The following ZBTB20 variants were observed in gnomAD, a reference collection of about 807,000 sequenced individuals.
ZBTB20 encodes the protein zinc finger and BTB domain containing 20, also known as zinc finger and BTB domain-containing protein 20.
Under a neutral mutation model 56.9 loss-of-function variants are expected in ZBTB20, and 9 were observed. The observed-to-expected ratio is 0.16, with a 90% CI of 0.10 to 0.28. The LOEUF is 0.28. Among genes scored for constraint, ZBTB20 ranks in the 10% least tolerant of loss-of-function variants. The pLI, the probability that ZBTB20 is intolerant of heterozygous loss-of-function variation, is 1.00. For synonymous variants in ZBTB20, 417 were observed against 420.7 expected (o/e 0.99, Z 0.11); for missense variants, 655 against 1,003.0 (o/e 0.65, Z 4.69).
At chr3:114,418,457 C>T (rs559245442) in intron 7 of ZBTB20, among the ~76,000 whole-genome samples, 1 of 152,008 alleles carries the variant, frequency 6.6e-6, no homozygotes, top group East Asian at 1.9e-4. Flanking sequence ...TGATATCTTA[C>T]ACACAATAGG....
intron 7 of ZBTB20, among the ~76,000 whole-genome samples, chr3:114,397,554 A>G (rs1476186686): frequency 6.7e-6 from 1 of 149,314 alleles, no homozygotes; most frequent in East Asian, 2.0e-4. Context: ...TAATAGTACT[A>G]GATTAATCAT....
At chr3:114,656,060 A>T (rs2060391935) in intron 6 of ZBTB20, among the ~76,000 whole-genome samples, 1 of 152,192 alleles carries the variant, frequency 6.6e-6, no homozygotes, top group Non-Finnish European at 1.5e-5. Context: ...TTATTGCAAG[A>T]TCACATTGCT....
intron 4 of ZBTB20, among the ~76,000 whole-genome samples, chr3:114,829,640 A>C (rs1213494095): frequency 1.3e-5 from 2 of 151,888 alleles, no homozygotes; most frequent in Non-Finnish European, 2.9e-5. Context: ...TTTATGAATC[A>C]GCTCACTAAA....
At chr3:115,075,024 G>A (rs1048837205) in intron 1 of ZBTB20, among the ~76,000 whole-genome samples, 5 of 151,918 alleles carry the variant, frequency 3.3e-5, no homozygotes, top group Admixed American at 1.3e-4. Context: ...TTGTGTTTAC[G>A]GTTATATAAC....
At chr3:114,766,199 G>GC (rs2068772965) in intron 5 of ZBTB20, among the ~76,000 whole-genome samples, 1 of 151,994 alleles carries the variant, frequency 6.6e-6, no homozygotes, top group African/African-American at 2.4e-5. Flanking sequence ...ACTGAACAAA[G>GC]CAAGAGTAAG....
intron 7 of ZBTB20, among the ~76,000 whole-genome samples, chr3:114,399,674 T>TAAC (rs199677375): frequency 0.03 from 4,637 of 152,254 alleles, 118 homozygotes; most frequent in Middle Eastern, 0.048. Context: ...ATTGGGTGTG[T>TAAC]AACAGGCCAC....
At chr3:114,573,224 T>C (rs2053625306) in intron 6 of ZBTB20, among the ~76,000 whole-genome samples, 1 of 150,860 alleles carries the variant, frequency 6.6e-6, no homozygotes, top group Non-Finnish European at 1.5e-5. Flanking sequence ...CTTTGGGAGG[T>C]TGAGGCAGGT....
chr3:114,510,419 A>T (rs898621271), intron 6 of ZBTB20, among the ~76,000 whole-genome samples: 11 of 151,782 alleles, frequency 7.2e-5, no homozygotes, highest in Admixed American at 1.3e-4. Flanking sequence ...CTGCACATGC[A>T]TGGTTCCTCC....
At chr3:114,553,608 T>C (rs1225289780) in intron 6 of ZBTB20, among the ~76,000 whole-genome samples, 1 of 152,200 alleles carries the variant, frequency 6.6e-6, no homozygotes, top group Non-Finnish European at 1.5e-5. Flanking sequence ...GTATAACTTA[T>C]CTGGTACATT....
At chr3:114,727,391 T>G (rs1279914220) in intron 5 of ZBTB20, among the ~76,000 whole-genome samples, 1 of 152,170 alleles carries the variant, frequency 6.6e-6, no homozygotes, top group Non-Finnish European at 1.5e-5. Flanking sequence ...CAAACTAATA[T>G]CATCTCACCT....
chr3:114,886,730 T>G (rs1394250140), intron 4 of ZBTB20, among the ~76,000 whole-genome samples: 1 of 152,094 alleles, frequency 6.6e-6, no homozygotes, highest in African/African-American at 2.4e-5. Context: ...TTTCAGTAGT[T>G]TAAAAAAGTA....
intron 1 of ZBTB20, among the ~76,000 whole-genome samples, chr3:115,134,448 C>A (rs1479870493): frequency 6.6e-6 from 1 of 151,892 alleles, no homozygotes; most frequent in East Asian, 1.9e-4. Flanking sequence ...CTATTATTCA[C>A]GTTTTGATTT....
rs72956230 is a variant in ZBTB20, at chr3:114,785,423, G to A, written c.-343+15678C>T. Reference sequence around the variant, plus strand: ...GGAGACAAATTATATTAAGAACACGGTAGCTGAAATAAAATTATTTCAGAT... The same window carrying A: ...GGAGACAAATTATATTAAGAACACGATAGCTGAAATAAAATTATTTCAGAT... On this transcript the variant is annotated intron_variant, in intron 5 of 11. Coordinates refer to ENST00000675478, the MANE Select transcript of ZBTB20 (RefSeq NM_001348800.3). 2.0e-3 allele frequency among the ~76,000 whole-genome samples: 298 copies of A among 152,202 alleles called. 3 individuals carry two copies. The highest frequency in any genetic ancestry group is 6.7e-3 in the African/African-American group (280 of 41,532).
At chr3:115,087,019 C>G (rs1004470425) in intron 1 of ZBTB20, among the ~76,000 whole-genome samples, 1 of 151,788 alleles carries the variant, frequency 6.6e-6, no homozygotes, top group Admixed American at 6.6e-5. Context: ...TAGGGTGATA[C>G]TAGGGCCAAA....
At chr3:114,404,734 A>G (rs1211692414) in intron 7 of ZBTB20, among the ~76,000 whole-genome samples, 1 of 152,040 alleles carries the variant, frequency 6.6e-6, no homozygotes, top group Admixed American at 6.6e-5. Context: ...CAGAAAACCC[A>G]ATACCCGGAG....
chr3:114,806,054 T>C (rs1233611635), intron 4 of ZBTB20, among the ~76,000 whole-genome samples: 1 of 151,938 alleles, frequency 6.6e-6, no homozygotes, highest in African/African-American at 2.4e-5. Context: ...AATGCTGCCA[T>C]GAACATTCAC....
chr3:114,667,492 A>G (rs928988313), intron 6 of ZBTB20, among the ~76,000 whole-genome samples: 1 of 152,020 alleles, frequency 6.6e-6, no homozygotes, highest in African/African-American at 2.4e-5. Flanking sequence ...CTTATGCTAC[A>G]GATTTATGGC....
chr3:114,844,918 G>T, intron 4 of ZBTB20, among the ~76,000 whole-genome samples: 1 of 123,276 alleles, frequency 8.1e-6, no homozygotes, highest in East Asian at 2.4e-4. Flanking sequence ...TAAATAATAT[G>T]TTGTATATTA....
At chr3:114,744,565 G>A (rs753645822) in intron 5 of ZBTB20, among the ~76,000 whole-genome samples, 2 of 152,112 alleles carry the variant, frequency 1.3e-5, no homozygotes, top group South Asian at 2.1e-4. Context: ...AACAAAGAGC[G>A]AGGGAATGGG....
Sources: gnomAD v4.1 joint callset for allele counts (sites outside exome capture counted in the v4.1 genomes callset) on GRCh38, gnomAD v4.1.1 for gene constraint, MANE v1.5 for transcripts, NCBI Gene and HGNC (gene_info 2026-07-23, HGNC 2026-07-21) for gene names.